The following CFAP61 variants were observed in gnomAD, a reference collection of about 807,000 sequenced individuals.
The protein encoded by CFAP61 is cilia and flagella associated protein 61.
In CFAP61, 107 loss-of-function variants were observed where a neutral mutation model predicts 135.6. The ratio of observed to expected loss-of-function variants is 0.79; its 90% CI spans 0.67 to 0.93. CFAP61 has a LOEUF of 0.93. Ranked by LOEUF, CFAP61 falls within the 40% of genes least tolerant of loss-of-function variation. The pLI is 0.00. For missense variants in CFAP61, 1,507 were observed against 1,556.2 expected (o/e 0.97, Z 0.53); for synonymous variants, 575 against 578.5 (o/e 0.99, Z 0.09).
At chr20:20,339,200 A>G (rs1006164912) in intron 25 of CFAP61, among the ~76,000 whole-genome samples, 1 of 152,194 alleles carries the variant, frequency 6.6e-6, no homozygotes, top group Non-Finnish European at 1.5e-5. Context: ...CATGGCTCCT[A>G]GTAGTCTTCC....
chr20:20,174,381 TA>T (rs886883533), intron 13 of CFAP61, among the ~76,000 whole-genome samples: 20 of 152,186 alleles, frequency 1.3e-4, no homozygotes, highest in Admixed American at 7.9e-4. Context: ...CACGGTCCCA[TA>T]GGGGAAGACA....
At chr20:20,267,358 T>G (rs1227001754) in intron 21 of CFAP61, 5 of 152,826 alleles carry the variant, frequency 3.3e-5, no homozygotes, top group East Asian at 3.9e-4. Context: ...ACGTCCAAGT[T>G]TAACTGGTTA....
chr20:20,083,264 T>C (rs1426467015), intron 6 of CFAP61, among the ~76,000 whole-genome samples: 1 of 151,952 alleles, frequency 6.6e-6, no homozygotes, highest in South Asian at 2.1e-4. Context: ...TACCGTATGT[T>C]CTCACTTGTA....
chr20:20,127,643 G>A (rs2146711717), intron 8 of CFAP61, among the ~76,000 whole-genome samples: 1 of 151,602 alleles, frequency 6.6e-6, no homozygotes, highest in Non-Finnish European at 1.5e-5. Context: ...GTGGGGTCGG[G>A]GTGGGGGTTG....
rs139903445 is a variant in CFAP61 at position 20,304,588 on chromosome 20, C to T, written c.3422+6202C>T. On this transcript the variant is annotated intron_variant, in intron 25 of 26. Coordinates refer to ENST00000245957, the MANE Select transcript of CFAP61 (RefSeq NM_015585.4). ...ACTCACTCACACGCCCAGTCACACG[C>T]TCACACACACCTGCACCCGCCTCTC... 1.0e-3 allele frequency among the ~76,000 whole-genome samples: 158 copies of T among 151,712 alleles called. 1 individual carries two copies. Among genetic ancestry groups the T allele is most frequent in the African/African-American group, 2.8e-3 (115 of 41,372 alleles).
intron 3 of CFAP61, among the ~76,000 whole-genome samples, chr20:20,072,995 T>C (rs979568166): frequency 6.6e-6 from 1 of 152,216 alleles, no homozygotes; most frequent in Non-Finnish European, 1.5e-5. Context: ...TTCTGCTGGA[T>C]GTAACCAGTA....
intron 6 of CFAP61, chr20:20,085,447 T>C (rs760828388): frequency 2.4e-5 from 33 of 1,365,702 alleles, no homozygotes; most frequent in Non-Finnish European, 3.2e-5. Flanking sequence ...TTCCTCTTTA[T>C]CCATTTTGGG....
chr20:20,278,026 G>A (rs1156296732), intron 22 of CFAP61, among the ~76,000 whole-genome samples: 1 of 152,202 alleles, frequency 6.6e-6, no homozygotes, highest in Non-Finnish European at 1.5e-5. Context: ...CTAGAGGCAA[G>A]TTGCCAGGAC....
At position 20,057,792 on chromosome 20, in the gene CFAP61, A is replaced by G. The variant is rs985748750; in HGVS notation, c.143+996A>G. ...GGGTGCAGTGGTGCGATCTCGGCTC[A>G]CTGCAATCTCCGCCTCCTGGGTTCA... On this transcript the variant is annotated intron_variant, in intron 2 of 26. Transcript: ENST00000245957. 3.9e-5 allele frequency among the ~76,000 whole-genome samples: 6 copies of G among 152,244 alleles called. No homozygotes were observed. In the South Asian group the frequency reaches 1.0e-3, roughly 26 times the overall value.
intron 8 of CFAP61, among the ~76,000 whole-genome samples, chr20:20,101,702 T>C (rs1181540014): frequency 2.0e-5 from 3 of 152,144 alleles, no homozygotes; most frequent in Non-Finnish European, 2.9e-5. Context: ...CTCAGCTCAT[T>C]GCAACCTCTG....
chr20:20,253,253 TTTCC>T (rs1390428564), intron 20 of CFAP61: 29 of 151,810 alleles, frequency 1.9e-4, no homozygotes, highest in Admixed American at 2.0e-4. Flanking sequence ...TCCTTCTTTC[TTTCC>T]TTCCTTCCTT....
chr20:20,083,068 A>G (rs960323263), intron 6 of CFAP61, among the ~76,000 whole-genome samples: 1 of 152,204 alleles, frequency 6.6e-6, no homozygotes, highest in Non-Finnish European at 1.5e-5. Flanking sequence ...ACAATTTACA[A>G]TTGCAAGGAT....
At chr20:20,089,530 G>A (rs1427055000) in intron 6 of CFAP61, among the ~76,000 whole-genome samples, 1 of 144,658 alleles carries the variant, frequency 6.9e-6, no homozygotes, top group African/African-American at 2.6e-5. Context: ...AGCCAAAGCA[G>A]ATATACTAGA....
intron 18 of CFAP61, among the ~76,000 whole-genome samples, chr20:20,232,346 C>CTT (rs11087316): frequency 6.6e-6 from 1 of 150,538 alleles, no homozygotes; most frequent in African/African-American, 2.4e-5. Context: ...TTCCAGAATC[C>CTT]TTTTTTTTTA....
chr20:20,139,029 T>G (rs1234998078), intron 8 of CFAP61, among the ~76,000 whole-genome samples: 2 of 152,228 alleles, frequency 1.3e-5, no homozygotes, highest in Admixed American at 6.5e-5. Context: ...TTTCTCCATA[T>G]TTGCTCTTTT....
At chr20:20,100,206 C>T (rs1235431309) in intron 8 of CFAP61, among the ~76,000 whole-genome samples, 1 of 149,734 alleles carries the variant, frequency 6.7e-6, no homozygotes, top group African/African-American at 2.5e-5. Flanking sequence ...GAATTTAACT[C>T]TTGTCACCCA....
At position 20,288,762 on chromosome 20, in the gene CFAP61, T is replaced by A; in HGVS notation, c.2950T>A (p.Ser984Thr). The change falls in exon 23 of 27, where the codon TCC becomes ACC. Residue 984 changes from serine to threonine, a missense_variant. Ser to Thr is a moderately conservative substitution (Grantham distance 58). Coordinates refer to ENST00000245957, the MANE Select transcript of CFAP61 (RefSeq NM_015585.4). The stretch of plus-strand genomic sequence containing the variant: ...AGCTGCTGGCTCCCTCACCAAATTC[T>A]CCAATAGATACTACTCAAATGAGTG... ...IRAAGSLTKF[S>T]NRYYSNEWTH... is the part of the protein sequence containing the mutation. 1 of 1,614,174 alleles carries A rather than the reference T, an allele frequency of 6.2e-7. No homozygotes were observed. The highest frequency in any genetic ancestry group is 2.2e-5 in the East Asian group (1 of 44,884).
intron 18 of CFAP61, among the ~76,000 whole-genome samples, chr20:20,243,295 C>T (rs1009038971): frequency 2.0e-5 from 3 of 152,204 alleles, no homozygotes; most frequent in African/African-American, 7.2e-5. Context: ...TCCCACAACA[C>T]ATGGGAATTA....
chr20:20,201,428 T>C (rs2056615579), intron 17 of CFAP61, among the ~76,000 whole-genome samples: 1 of 152,174 alleles, frequency 6.6e-6, no homozygotes, highest in Non-Finnish European at 1.5e-5. Flanking sequence ...AAACTCCAGA[T>C]TCATATCATT....
Sources: gnomAD v4.1 joint callset for allele counts (sites outside exome capture counted in the v4.1 genomes callset) on GRCh38, gnomAD v4.1.1 for gene constraint, MANE v1.5 for transcripts, NCBI Gene and HGNC (gene_info 2026-07-23, HGNC 2026-07-21) for gene names.